Variants in OXR1 observed in about 807,000 individuals in gnomAD.
The protein encoded by OXR1 is oxidation resistance protein 1.
OXR1 carries 41 observed loss-of-function variants against 104.6 expected under a neutral mutation model. The ratio of observed to expected loss-of-function variants is 0.39; its 90% confidence interval spans 0.31 to 0.51. The LOEUF (loss-of-function observed/expected upper bound fraction) is 0.51. Among genes scored for constraint, OXR1 ranks in the 20% least tolerant of loss-of-function variants. The pLI is 0.77. For synonymous variants in OXR1, 348 were observed against 348.4 expected (o/e 1.00, Z 0.01); for missense variants, 955 against 1,031.9 (o/e 0.93, Z 1.02).
At chr8:106,277,402 G>A (rs1812093482) in intron 1 of OXR1, among the ~76,000 whole-genome samples, 1 of 152,204 alleles carries the variant, frequency 6.6e-6, no homozygotes, top group African/African-American at 2.4e-5. Context: ...CTAGCATGAT[G>A]TCTGGCACCC....
chr8:106,644,205 T>TATTAAGAAAATACTTATTC (rs1329844140), intron 3 of OXR1, among the ~76,000 whole-genome samples: 2 of 152,222 alleles, frequency 1.3e-5, no homozygotes, highest in Admixed American at 1.3e-4. Flanking sequence ...CCTCTGGTTG[T>TATTAAGAAAATACTTATTC]ATTAAGAAAA....
intron 3 of OXR1, among the ~76,000 whole-genome samples, chr8:106,534,993 C>CGA (rs1814376931): frequency 6.6e-6 from 1 of 151,996 alleles, no homozygotes; most frequent in East Asian, 1.9e-4. Context: ...GACGGAGTCT[C>CGA]GCTCTGTCGC....
chr8:106,662,842 TGATGATGATG>T (rs1370292638), intron 3 of OXR1, among the ~76,000 whole-genome samples: 3 of 72,108 alleles, frequency 4.2e-5, no homozygotes, highest in Non-Finnish European at 7.6e-5. Flanking sequence ...GTAAATGGGA[TGATGATGATG>T]ATGATGATGA....
chr8:106,671,469 G>T (rs1167180227), intron 3 of OXR1, among the ~76,000 whole-genome samples: 1 of 152,126 alleles, frequency 6.6e-6, no homozygotes. Flanking sequence ...TAACATCCTT[G>T]CATTGTCTGG....
At chr8:106,523,441 C>A (rs1813406053) in intron 3 of OXR1, among the ~76,000 whole-genome samples, 1 of 152,114 alleles carries the variant, frequency 6.6e-6, no homozygotes, top group Non-Finnish European at 1.5e-5. Context: ...TATACACATG[C>A]AAATACCAAT....
At chr8:106,592,793 G>A (rs1208697469) in intron 3 of OXR1, among the ~76,000 whole-genome samples, 3 of 152,150 alleles carry the variant, frequency 2.0e-5, no homozygotes, top group Non-Finnish European at 2.9e-5. Context: ...AGCCATTGAA[G>A]GATTTCAATC....
At chr8:106,437,345 T>C (rs887710800) in intron 2 of OXR1, among the ~76,000 whole-genome samples, 3 of 152,162 alleles carry the variant, frequency 2.0e-5, no homozygotes, top group South Asian at 2.1e-4. Flanking sequence ...TTCATAGATA[T>C]CTTTGCGTTA....
In OXR1 at chr8:106,740,458, C is replaced by A. The variant is rs756225554; in HGVS notation, c.2279C>A (p.Thr760Asn). ...TATCGAACAATGACAGGTTTAGACA[C>A]CCCAGTGCTGATGGTGATTAAAGAC... is the stretch of plus-strand genomic sequence containing the variant. ...TLYRTMTGLDTPVLMVIKDSD... is the reference protein window; with the variant it reads ...TLYRTMTGLDNPVLMVIKDSD... The change falls in exon 14 of 17, where the codon ACC (threonine) becomes AAC (asparagine). Residue 760 changes from threonine to asparagine, a missense_variant. Physicochemically the swap from Thr to Asn is moderately conservative, Grantham distance 65. Around this residue, in one of 2 missense-constraint regions of OXR1, gnomAD observed 106 missense variants for 179.0 expected, o/e 0.59. Transcript: ENST00000517566. 1.2e-6 allele frequency: 2 copies of A among 1,612,772 alleles called. No homozygotes were observed. The highest frequency in any genetic ancestry group is 1.7e-5 in the Admixed American group (1 of 59,936).
At chr8:106,398,940 T>C (rs1320662383) in intron 2 of OXR1, among the ~76,000 whole-genome samples, 1 of 152,220 alleles carries the variant, frequency 6.6e-6, no homozygotes, top group Non-Finnish European at 1.5e-5. Flanking sequence ...TGGGGATTTT[T>C]TTCTCATCTT....
intron 2 of OXR1, among the ~76,000 whole-genome samples, chr8:106,501,166 C>G (rs776867591): frequency 2.0e-5 from 3 of 152,164 alleles, no homozygotes; most frequent in Non-Finnish European, 2.9e-5. Context: ...GAGTCTCCCT[C>G]TGTTGCTCAG....
intron 9 of OXR1, among the ~76,000 whole-genome samples, chr8:106,708,881 TC>T (rs1385924610): frequency 2.6e-5 from 4 of 151,026 alleles, no homozygotes; most frequent in Non-Finnish European, 4.4e-5. Flanking sequence ...CATTTTACCT[TC>T]CCTGCGGCAG....
intron 2 of OXR1, among the ~76,000 whole-genome samples, chr8:106,448,976 G>A (rs1820160758): frequency 6.6e-6 from 1 of 151,966 alleles, no homozygotes; most frequent in Admixed American, 6.6e-5. Flanking sequence ...GTTTATAGGT[G>A]GGCAGGTAAG....
chr8:106,470,530 T>C (rs1435655549), intron 2 of OXR1, among the ~76,000 whole-genome samples: 1 of 151,782 alleles, frequency 6.6e-6, no homozygotes, highest in Admixed American at 6.6e-5. Context: ...TTTGGACATG[T>C]GAACCTTGTG....
At chr8:106,505,647 A>G (rs1479263356) in intron 2 of OXR1, among the ~76,000 whole-genome samples, 1 of 152,212 alleles carries the variant, frequency 6.6e-6, no homozygotes, top group Admixed American at 6.5e-5. Context: ...CTTAAAAAAT[A>G]AGAAGCAATC....
chr8:106,381,122 A>G (rs1303783683), intron 2 of OXR1, among the ~76,000 whole-genome samples: 1 of 152,206 alleles, frequency 6.6e-6, no homozygotes, highest in Non-Finnish European at 1.5e-5. Context: ...GAGAGTTTCC[A>G]TAAAGAATAG....
chr8:106,579,676 T>C (rs540482486), intron 3 of OXR1, among the ~76,000 whole-genome samples: 1 of 151,864 alleles, frequency 6.6e-6, no homozygotes, highest in African/African-American at 2.4e-5. Flanking sequence ...ACATAACTTG[T>C]CCAAAAGCAC....
At chr8:106,431,333 G>C (rs1331686559) in intron 2 of OXR1, among the ~76,000 whole-genome samples, 1 of 152,154 alleles carries the variant, frequency 6.6e-6, no homozygotes, top group Non-Finnish European at 1.5e-5. Flanking sequence ...TTAAACTGGT[G>C]TGGATAACTG....
chr8:106,442,343 C>T (rs923857268), intron 2 of OXR1, among the ~76,000 whole-genome samples: 2 of 152,106 alleles, frequency 1.3e-5, no homozygotes, highest in Non-Finnish European at 2.9e-5. Flanking sequence ...ATTTTCGCAT[C>T]GATATTCATC....
intron 2 of OXR1, among the ~76,000 whole-genome samples, chr8:106,495,435 G>A (rs1811351972): frequency 6.6e-6 from 1 of 151,790 alleles, no homozygotes; most frequent in African/African-American, 2.4e-5. Context: ...ATTTTCTGAG[G>A]TTTTATTCTT....
Sources: gnomAD v4.1 joint callset for allele counts (sites outside exome capture counted in the v4.1 genomes callset) on GRCh38, gnomAD v4.1.1 for gene constraint, gnomAD v4.1.1 regional missense constraint, MANE v1.5 for transcripts, NCBI Gene and HGNC (gene_info 2026-07-23, HGNC 2026-07-21) for gene names.